The following GOLGA8A variants were observed in gnomAD, a reference collection of about 807,000 sequenced individuals.
GOLGA8A encodes the protein golgin A8 family member A.
In GOLGA8A, 3 loss-of-function variants were observed where a neutral mutation model predicts 22.1. The observed-to-expected ratio is 0.14, with a 90% CI of 0.06 to 0.35. GOLGA8A has a LOEUF of 0.35. GOLGA8A is among the 10% of genes least tolerant of loss of function. GOLGA8A has a pLI of 1.00. For missense variants in GOLGA8A, 16 were observed against 233.2 expected (o/e 0.07, Z 6.07); for synonymous variants, 7 against 91.7 (o/e 0.08, Z 5.28).
At position 34,430,948 on chromosome 15, in the gene GOLGA8A, G is replaced by A. The variant is rs1187006078; in HGVS notation, c.-1123+4435C>T. 6.0e-5 allele frequency among the ~76,000 whole-genome samples: 9 copies of A among 148,934 alleles called. 2 individuals are homozygous for A. The highest frequency in any genetic ancestry group is 2.2e-4 in the South Asian group (1 of 4,634). On this transcript the variant is annotated intron_variant, in intron 2 of 24. Transcript: ENST00000359187. ...ACCCGTGACAGCTGCCACCAGCTCC[G>A]GATAATTCAGACAGATGCTAGAGCA...
chr15:34,425,046 C>T (rs1278155102), intron 2 of GOLGA8A, among the ~76,000 whole-genome samples: 2 of 146,298 alleles, frequency 1.4e-5, no homozygotes, highest in East Asian at 4.0e-4. Context: ...GTGTTCGCAC[C>T]GCTGCAATCC....
chr15:34,430,267 C>T (rs4990531), intron 2 of GOLGA8A, among the ~76,000 whole-genome samples: 5 of 149,274 alleles, frequency 3.3e-5, no homozygotes, highest in Admixed American at 6.8e-5. Context: ...AGCACAAAGA[C>T]GTCTTCCCCA....
chr15:34,381,397 G>C lies in GOLGA8A; in HGVS notation c.*14C>G. 1 of 1,594,000 alleles carries C rather than the reference G, an allele frequency of 6.3e-7. No homozygotes were observed. The highest frequency in any genetic ancestry group is 8.6e-7 in the Non-Finnish European group (1 of 1,163,704). ...TTAAAAATTTCTTGAGCAGCTCTTT[G>C]ATGATGGTGGTGTTTATCTCCTTCT... On this transcript the variant is annotated 3_prime_UTR_variant, in exon 25 of 25. Coordinates refer to ENST00000359187, the MANE Select transcript of GOLGA8A (RefSeq NM_181077.5).
At chr15:34,434,264 A>G (rs1350128573) in intron 2 of GOLGA8A, among the ~76,000 whole-genome samples, 1 of 149,498 alleles carries the variant, frequency 6.7e-6, no homozygotes, top group African/African-American at 2.5e-5. Flanking sequence ...AAGCCACTGA[A>G]GGCCTGGGCA....
chr15:34,427,695 T>C (rs987971780), intron 2 of GOLGA8A, among the ~76,000 whole-genome samples: 2 of 148,298 alleles, frequency 1.3e-5, no homozygotes, highest in African/African-American at 5.0e-5. Flanking sequence ...TCCTAGGCGG[T>C]TGAGGAACTG....
At chr15:34,423,309 C>T (rs1281966838) in intron 2 of GOLGA8A, among the ~76,000 whole-genome samples, 2 of 121,302 alleles carry the variant, frequency 1.6e-5, no homozygotes, top group Non-Finnish European at 3.5e-5. Context: ...GCAACACCCA[C>T]CCATCAGTCC....
At chr15:34,424,145 C>T (rs1392390705) in intron 2 of GOLGA8A, among the ~76,000 whole-genome samples, 5 of 146,252 alleles carry the variant, frequency 3.4e-5, no homozygotes, top group South Asian at 2.3e-4. Context: ...TCCCTAAGAC[C>T]CCTCTCCTCC....
intron 2 of GOLGA8A, among the ~76,000 whole-genome samples, chr15:34,420,604 AG>A (rs1170045023): frequency 7.6e-6 from 1 of 131,060 alleles, no homozygotes; most frequent in Non-Finnish European, 1.6e-5. Flanking sequence ...TAGAAATGAA[AG>A]GGTTCCCCCT....
intron 5 of GOLGA8A, 86 bp from the exon 6 acceptor site, chr15:34,400,845 A>G (rs1892034737): frequency 7.2e-6 from 1 of 138,054 alleles, no homozygotes; most frequent in Non-Finnish European, 1.7e-5. Context: ...AAGCAAAAAT[A>G]TACACACAAA....
intron 6 of GOLGA8A, 142 bp from the exon 7 acceptor site, chr15:34,399,345 T>TAC (rs1261214429): frequency 1.0e-4 from 10 of 96,782 alleles, no homozygotes; most frequent in African/African-American, 2.7e-4. Context: ...TTGTTAGGGA[T>TAC]ACAGGACTAT....
chr15:34,427,969 T>C (rs529912691), intron 2 of GOLGA8A, among the ~76,000 whole-genome samples: 2 of 148,930 alleles, frequency 1.3e-5, no homozygotes, highest in Admixed American at 6.8e-5. Context: ...TCAGTTGACA[T>C]GAACTACAGC....
chr15:34,433,592 T>G lies in GOLGA8A; in HGVS notation c.-1123+1791A>C, dbSNP rs139450448. On this transcript the variant is annotated intron_variant, in intron 2 of 24. Coordinates refer to ENST00000359187, the MANE Select transcript of GOLGA8A (RefSeq NM_181077.5). ...GTGCTACATTCCAGGAGGATCCAAATGTGAACACAGCTAGGTTCCAGCTCT... is the reference window on the plus strand; with the variant it reads ...GTGCTACATTCCAGGAGGATCCAAAGGTGAACACAGCTAGGTTCCAGCTCT... Among the ~76,000 whole-genome samples, 1,334 of 148,812 alleles carry G rather than the reference T, an allele frequency of 9.0e-3. 104 individuals carry two copies. The highest frequency in any genetic ancestry group is 0.031 in the African/African-American group (1,259 of 40,278).
At position 34,380,276 on chromosome 15, in the gene GOLGA8A, A is replaced by G. The variant is rs1037896767; in HGVS notation, c.*1135T>C. On this transcript the variant is annotated 3_prime_UTR_variant, in exon 25 of 25. Coordinates refer to ENST00000359187, the MANE Select transcript of GOLGA8A (RefSeq NM_181077.5). ...TAGTAAAATCAAACTTCAAGCCTCA[A>G]AGAAGCTCCATGAACAGAGAGGAAT... 3 of 152,222 alleles carry G rather than the reference A, an allele frequency of 2.0e-5. No individual in the cohort carries two copies. Among genetic ancestry groups the G allele is most frequent in the Admixed American group, 1.3e-4 (2 of 15,288 alleles). The allele number at this position is 152,222 out of a possible 1,614,324, so 9.4% of individuals were successfully genotyped here.
intron 2 of GOLGA8A, chr15:34,420,246 G>T (rs76300930): frequency 1.4e-5 from 2 of 145,404 alleles, no homozygotes; most frequent in Non-Finnish European, 3.0e-5. Flanking sequence ...CACGAGCCTG[G>T]GGTATCACAA....
intron 2 of GOLGA8A, among the ~76,000 whole-genome samples, chr15:34,429,287 C>T (rs1300079499): frequency 6.8e-6 from 1 of 146,282 alleles, no homozygotes; most frequent in East Asian, 2.0e-4. Flanking sequence ...GCTCCCAACC[C>T]ACAGCAAGGG....
Position 34,420,773 on chromosome 15 carries a change from C to T in GOLGA8A, c.-1122-13038G>A, listed in dbSNP as rs1366256639. Among the ~76,000 whole-genome samples the T allele has an allele frequency of 2.9e-3, 354 of 120,526 alleles. 1 individual carries two copies. The highest frequency in any genetic ancestry group is 7.4e-3 in the African/African-American group (225 of 30,388). The allele number at this position is 120,526 out of a possible 152,430, so 79.1% of individuals were successfully genotyped here. A position where few individuals can be genotyped will look rare whatever the true frequency, so the allele number is the denominator to read the frequency against. ...AGTGCTCCCGGTTTTCAGCATCACA[C>T]GGAGTGGCTCAGGTGCCCATTCATT... On this transcript the variant is annotated intron_variant, in intron 2 of 24. Coordinates refer to ENST00000359187, the MANE Select transcript of GOLGA8A (RefSeq NM_181077.5).
chr15:34,424,147 C>T (rs1892890484), intron 2 of GOLGA8A, among the ~76,000 whole-genome samples: 1 of 146,194 alleles, frequency 6.8e-6, no homozygotes, highest in Admixed American at 6.9e-5. Context: ...CCTAAGACCC[C>T]TCTCCTCCAG....
intron 2 of GOLGA8A, among the ~76,000 whole-genome samples, chr15:34,423,945 C>T (rs2261531): frequency 0.1 from 13,565 of 133,584 alleles, 1,498 homozygotes; most frequent in South Asian, 0.25. Context: ...AGGCTACCAG[C>T]GGCTGCCAGC....
At chr15:34,431,296 TATATATATATATATAC>T (rs1247362557) in intron 2 of GOLGA8A, among the ~76,000 whole-genome samples, 127 of 9,804 alleles carry the variant, frequency 0.013, 8 homozygotes, top group South Asian at 0.078. Context: ...AAAAATTATA[TATATATATATATATAC>T]ATATATATAT....
Sources: allele counts gnomAD v4.1 joint callset (sites outside exome capture counted in the v4.1 genomes callset), GRCh38; gene constraint gnomAD v4.1.1; transcripts MANE v1.5; gene names NCBI Gene and HGNC (gene_info 2026-07-23, HGNC 2026-07-21).